Variants in GPR158 observed in about 807,000 individuals in gnomAD.
GPR158 encodes the protein metabotropic glycine receptor.
In GPR158, 30 loss-of-function variants were observed where a neutral mutation model predicts 78.2. That is an observed-to-expected ratio of 0.38 (90% CI 0.29 to 0.52). GPR158 has a LOEUF of 0.52. Among genes scored for constraint, GPR158 ranks in the 20% least tolerant of loss-of-function variants. The pLI, the probability that GPR158 is intolerant of heterozygous loss-of-function variation, is 0.83. For synonymous variants in GPR158, 581 were observed against 591.1 expected, an observed-to-expected ratio of 0.98 and a Z score of 0.25; for missense variants, 1,463 against 1,523.5, an observed-to-expected ratio of 0.96 and a Z score of 0.66.
At chr10:25,550,457 C>A (rs975280603) in intron 5 of GPR158, among the ~76,000 whole-genome samples, 15 of 151,914 alleles carry the variant, frequency 9.9e-5, no homozygotes, top group Non-Finnish European at 1.8e-4. Context: ...AAGGGATTGC[C>A]AGAAGTGTGG....
chr10:25,352,031 A>ACTC (rs5783922), intron 2 of GPR158, among the ~76,000 whole-genome samples: 85,946 of 151,338 alleles, frequency 0.57, 27,491 homozygotes, highest in Non-Finnish European at 0.75. Context: ...ACCCAGAACC[A>ACTC]CTCAAATACA....
chr10:25,515,353 T>A (rs1488792072), intron 5 of GPR158, among the ~76,000 whole-genome samples: 1 of 152,080 alleles, frequency 6.6e-6, no homozygotes, highest in African/African-American at 2.4e-5. Context: ...GTGATTGTTT[T>A]TAATTTATGT....
At chr10:25,182,441 A>G (rs970437260) in intron 1 of GPR158, among the ~76,000 whole-genome samples, 1 of 152,214 alleles carries the variant, frequency 6.6e-6, no homozygotes, top group African/African-American at 2.4e-5. Context: ...TAAAATTTCA[A>G]AAAAGGGTTA....
Position 25,364,241 on chromosome 10 carries a change from A to G in GPR158, c.1009-31670A>G, listed in dbSNP as rs116245548. ...TCCAAAGTCCATGTTCTTAACCACA[A>G]ATTCACCAGCATCGTCTTCTCAATG... On this transcript the variant is annotated intron_variant, in intron 2 of 10. Transcript: ENST00000376351. 5.7e-3 allele frequency among the ~76,000 whole-genome samples: 874 copies of G among 152,046 alleles called. 7 individuals carry two copies. Among genetic ancestry groups the G allele is most frequent in the African/African-American group, 0.02 (838 of 41,532 alleles).
chr10:25,537,341 C>T (rs1197946531), intron 5 of GPR158, among the ~76,000 whole-genome samples: 1 of 152,104 alleles, frequency 6.6e-6, no homozygotes, highest in Non-Finnish European at 1.5e-5. Flanking sequence ...AAGCATAAGA[C>T]CATATACTTC....
chr10:25,242,793 G>A (rs1853644146), intron 2 of GPR158, among the ~76,000 whole-genome samples: 1 of 152,040 alleles, frequency 6.6e-6, no homozygotes, highest in Non-Finnish European at 1.5e-5. Context: ...TACATTCAGG[G>A]AATCTCAGAG....
rs777227746 is a variant in GPR158, at chr10:25,599,170, C to G, written c.3544C>G (p.Pro1182Ala). The G allele has an allele frequency of 6.2e-7, 1 of 1,610,984 alleles. No homozygotes were observed. Among genetic ancestry groups the G allele is most frequent in the South Asian group, 1.1e-5 (1 of 91,074 alleles). Reference protein sequence around the residue: ...CPWEFETPAQPNAGRSVALPA... With the variant: ...CPWEFETPAQANAGRSVALPA... ...TTGGGAGTTTGAGACCCCAGCTCAA[C>G]CAAATGCTGGAAGAAGTGTAGCTTT... Residue 1182 changes from proline to alanine, a missense_variant, in exon 11 of 11, where the codon CCA (proline) becomes GCA (alanine). By Grantham distance (27) the Pro-to-Ala change is conservative (BLOSUM62 -1). Transcript: ENST00000376351.
chr10:25,221,090 A>G lies in GPR158; in HGVS notation c.941A>G (p.Asp314Gly). ...MKVDINLQKV[D>G]IDQCSSDGWF... ...GTTGACATAAATCTTCAGAAAGTGG[A>G]CATTGACCAATGCTCAAGTGATGGC... is the stretch of plus-strand genomic sequence containing the variant. The change falls in exon 2 of 11, where the codon GAC (aspartate) becomes GGC (glycine). Residue 314 changes from aspartate to glycine, a missense_variant. Transcript: ENST00000376351. The G allele has an allele frequency of 6.2e-7, 1 of 1,601,150 alleles. No homozygotes were observed.
chr10:25,471,575 C>A (rs1835503810), intron 5 of GPR158, among the ~76,000 whole-genome samples: 2 of 152,166 alleles, frequency 1.3e-5, no homozygotes, highest in African/African-American at 2.4e-5. Context: ...TACAGTCCCA[C>A]CAATAGTATA....
chr10:25,566,003 G>A (rs1035489231), intron 6 of GPR158, among the ~76,000 whole-genome samples: 1 of 152,156 alleles, frequency 6.6e-6, no homozygotes. Flanking sequence ...AGAAACAAAG[G>A]CAGTAAATTA....
chr10:25,453,520 C>A (rs1397184400), intron 4 of GPR158, among the ~76,000 whole-genome samples: 1 of 151,920 alleles, frequency 6.6e-6, no homozygotes, highest in East Asian at 1.9e-4. Context: ...TTTCATATAC[C>A]AGTTGGCTAT....
intron 5 of GPR158, among the ~76,000 whole-genome samples, chr10:25,484,784 C>T (rs1465446303): frequency 1.3e-5 from 2 of 152,144 alleles, no homozygotes; most frequent in African/African-American, 4.8e-5. Context: ...ACTGTTTCTT[C>T]CTTGAATACA....
At chr10:25,218,564 A>G (rs1356944053) in intron 1 of GPR158, among the ~76,000 whole-genome samples, 1 of 152,232 alleles carries the variant, frequency 6.6e-6, no homozygotes, top group South Asian at 2.1e-4. Context: ...ATAACCAACC[A>G]TTGTGGAACG....
chr10:25,596,343 C>A (rs141486693), intron 9 of GPR158, among the ~76,000 whole-genome samples: 61 of 152,040 alleles, frequency 4.0e-4, no homozygotes, highest in African/African-American at 1.4e-3. Flanking sequence ...GTAAAGATTC[C>A]GTTTACCAGG....
intron 1 of GPR158, among the ~76,000 whole-genome samples, chr10:25,183,611 T>C (rs950221190): frequency 2.6e-5 from 4 of 152,226 alleles, no homozygotes; most frequent in African/African-American, 4.8e-5. Flanking sequence ...TTAATTTTTA[T>C]TCATTTTAAT....
At chr10:25,274,960 G>A (rs1021138266) in intron 2 of GPR158, among the ~76,000 whole-genome samples, 1 of 152,136 alleles carries the variant, frequency 6.6e-6, no homozygotes, top group Non-Finnish European at 1.5e-5. Context: ...GATACTGCTG[G>A]AATTAATAGA....
intron 2 of GPR158, among the ~76,000 whole-genome samples, chr10:25,252,239 C>T (rs1430890548): frequency 6.6e-6 from 1 of 150,740 alleles, no homozygotes; most frequent in Non-Finnish European, 1.5e-5. Context: ...AAGTTTTCAA[C>T]TTCTTTGCCT....
intron 2 of GPR158, among the ~76,000 whole-genome samples, chr10:25,248,474 C>G (rs1191771424): frequency 6.6e-6 from 1 of 150,570 alleles, no homozygotes; most frequent in Non-Finnish European, 1.5e-5. Context: ...TTTAATCCAT[C>G]TTGAATTGAT....
At position 25,390,373 on chromosome 10, in the gene GPR158, C is replaced by G. The variant is rs150110889; in HGVS notation, c.1009-5538C>G. ...TAGAGACTTGTTGAATGGTTTTGAC[C>G]AAAATGCTGATAGTGATATAGATGA... On this transcript the variant is annotated intron_variant, in intron 2 of 10. Transcript: ENST00000376351. Among the ~76,000 whole-genome samples the G allele has an allele frequency of 4.6e-3, 702 of 152,282 alleles. 9 individuals carry two copies. Among genetic ancestry groups the G allele is most frequent in the African/African-American group, 0.016 (664 of 41,546 alleles).
Sources: gnomAD v4.1 joint callset for allele counts (sites outside exome capture counted in the v4.1 genomes callset) on GRCh38, gnomAD v4.1.1 for gene constraint, MANE v1.5 for transcripts, NCBI Gene and HGNC (gene_info 2026-07-23, HGNC 2026-07-21) for gene names.